MILR1: variants seen among roughly 807,000 people sequenced by gnomAD.
MILR1 encodes allergin-1.
Under a neutral mutation model 18.5 loss-of-function variants are expected in MILR1, and 31 were observed. The observed-to-expected ratio is 1.68, with a 90% confidence interval of 1.26 to 2.26. MILR1 has a LOEUF of 2.26. Ranked by LOEUF, MILR1 falls within the 30% of genes most tolerant of loss-of-function variation. The pLI is 0.00. For synonymous variants in MILR1, 85 were observed against 56.2 expected (o/e 1.51, Z -2.30); for missense variants, 257 against 157.4 (o/e 1.63, Z -3.38).
rs2037135130 is a variant in MILR1, at chr17:64,450,137, A to AC, written c.97+783dup. On this transcript the variant is annotated intron_variant, in intron 2 of 9. Transcript: ENST00000619286. ...GTATTTTTTGTAGAGACGGGGTTTC[A>AC]CATCGTTAGCCAGGATGGTCTCGAT... Among the ~76,000 whole-genome samples the AC allele has an allele frequency of 4.6e-5, 7 of 152,112 alleles. 1 individual carries two copies. The South Asian group carries it at 1.5e-3, about 32-fold the overall frequency.
chr17:64,481,097 A>G, the MILR1 span: 2 of 176,478 alleles, frequency 1.1e-5, no homozygotes, highest in Non-Finnish European at 2.2e-5. Context: ...CAGGGTGTTT[A>G]GCAGCATTCC....
chr17:64,461,457 C>T (rs2037430569), intron 5 of MILR1, among the ~76,000 whole-genome samples: 1 of 152,056 alleles, frequency 6.6e-6, no homozygotes, highest in South Asian at 2.1e-4. Context: ...CCATGTTGGC[C>T]AGGCTGGTCC....
At position 64,449,220 on chromosome 17, in the gene MILR1, A is replaced by G. The variant is rs1402341317; in HGVS notation, c.52A>G (p.Thr18Ala). ...CTTCTGGAGCATATTTTCTTCTGTC[A>G]CTTGTAAGCCCCCCTTATCATTCTG... ...LLFWSIFSSV[T>A]CRKAVLDCEA... Residue 18 changes from threonine to alanine, a missense_variant, in exon 1 of 10, where the codon ACT (threonine) becomes GCT (alanine). Coordinates refer to ENST00000619286, the MANE Select transcript of MILR1 (RefSeq NM_001085423.2). The G allele has an allele frequency of 1.3e-5, 6 of 473,230 alleles. No homozygotes were observed. The highest frequency in any genetic ancestry group is 4.0e-5 in the African/African-American group (2 of 50,472). The allele number at this position is 473,230 out of a possible 1,614,324, so 29.3% of individuals were successfully genotyped here. A position where few individuals can be genotyped will look rare whatever the true frequency, so the allele number is the denominator to read the frequency against.
At chr17:64,495,545 C>G in the MILR1 span, among the ~76,000 whole-genome samples, 2 of 152,218 alleles carry the variant, frequency 1.3e-5, no homozygotes, top group Non-Finnish European at 2.9e-5. Flanking sequence ...CCACTGCACT[C>G]GAGTCTGGGT....
rs376034042 is a variant in MILR1 at position 64,465,431 on chromosome 17, G to T, written c.764-21G>T. 5.9e-6 allele frequency: 9 copies of T among 1,521,402 alleles called. No homozygotes were observed. In the African/African-American group the frequency reaches 1.1e-4, roughly 18 times the overall value. 94.2% of individuals were successfully genotyped at this position (1,521,402 alleles called of 1,614,324 possible). ...TGTGGCTGAATTGGTTTAATTTGAT[G>T]ATTCCTACCTATTTACGTAGGAAAA... On this transcript the variant is annotated intron_variant, in intron 5 of 9. Coordinates refer to ENST00000619286, the MANE Select transcript of MILR1 (RefSeq NM_001085423.2).
In MILR1 at chr17:64,467,637, C is replaced by T. The variant is rs782687895; in HGVS notation, c.*20C>T. The T allele has an allele frequency of 1.9e-6, 3 of 1,545,282 alleles. No individual in the cohort carries two copies. In the South Asian group the frequency reaches 3.5e-5, roughly 18 times the overall value. On this transcript the variant is annotated 3_prime_UTR_variant, in exon 9 of 10. Coordinates refer to ENST00000619286, the MANE Select transcript of MILR1 (RefSeq NM_001085423.2). ...TTCTGAAATTTACAGAAACAAACTA[C>T]ATCTCAGGGTAAGATGCTTTTTATG...
the MILR1 span, among the ~76,000 whole-genome samples, chr17:64,494,663 A>G: frequency 6.6e-6 from 1 of 152,244 alleles, no homozygotes; most frequent in African/African-American, 2.4e-5. Context: ...GTTATGATCC[A>G]TTACCATTAA....
the MILR1 span, chr17:64,480,242 A>C: frequency 1.6e-5 from 12 of 765,718 alleles, no homozygotes; most frequent in East Asian, 3.5e-4. Flanking sequence ...AAACATAATC[A>C]AAAACTCTTG....
the MILR1 span, chr17:64,482,923 C>T: frequency 6.4e-7 from 1 of 1,560,522 alleles, no homozygotes; most frequent in East Asian, 2.2e-5. Flanking sequence ...ACTCACCTGT[C>T]TTAGTTCCAA....
In MILR1 at chr17:64,449,149, C is replaced by T. The variant is rs2037109239; in HGVS notation, c.-20C>T. The T allele has an allele frequency of 2.1e-6, 1 of 467,016 alleles. No homozygotes were observed. Among genetic ancestry groups the T allele is most frequent in the African/African-American group, 2.0e-5 (1 of 50,430 alleles). 28.9% of individuals were successfully genotyped at this position (467,016 alleles called of 1,614,324 possible). A position where few individuals can be genotyped will look rare whatever the true frequency, so the allele number is the denominator to read the frequency against. ...GTTCTACTATGCCTTCTGACCCCGTCTTGGACTTCAACTGGGAGAATGTGG... is the reference window on the plus strand; with the variant it reads ...GTTCTACTATGCCTTCTGACCCCGTTTTGGACTTCAACTGGGAGAATGTGG... On this transcript the variant is annotated 5_prime_UTR_variant, in exon 1 of 10. Transcript: ENST00000619286.
chr17:64,489,608 C>A, the MILR1 span, among the ~76,000 whole-genome samples: 1 of 151,786 alleles, frequency 6.6e-6, no homozygotes, highest in Non-Finnish European at 1.5e-5. Flanking sequence ...AAATATTAAA[C>A]CATCAGTCGG....
chr17:64,450,115 T>C (rs1016613915), intron 2 of MILR1, among the ~76,000 whole-genome samples: 21 of 152,094 alleles, frequency 1.4e-4, no homozygotes, highest in African/African-American at 4.6e-4. Context: ...ATGTTTTGTA[T>C]TTTTTGTAGA....
the MILR1 span, among the ~76,000 whole-genome samples, chr17:64,484,849 C>T: frequency 6.6e-6 from 1 of 152,096 alleles, no homozygotes; most frequent in Admixed American, 6.6e-5. Flanking sequence ...TCATGGTTCC[C>T]AATCCCAGCT....
At chr17:64,481,568 A>C in the MILR1 span, 2 of 277,942 alleles carry the variant, frequency 7.2e-6, no homozygotes, top group East Asian at 1.8e-4. Flanking sequence ...CAGTTACCAA[A>C]AGTGTTAAGT....
chr17:64,465,615 A>C, intron 6 of MILR1, 74 bp downstream of exon 6: 2 of 1,487,190 alleles, frequency 1.3e-6, no homozygotes, highest in Non-Finnish European at 1.8e-6. Flanking sequence ...TTGTACAGAC[A>C]TACGGGAGTG....
At chr17:64,481,291 G>C in the MILR1 span, 1 of 985,330 alleles carries the variant, frequency 1.0e-6, no homozygotes, top group Non-Finnish European at 1.2e-6. Flanking sequence ...CTCCTTCTTT[G>C]AGCTCACTAT....
At chr17:64,480,263 C>T in the MILR1 span, 2 of 1,047,656 alleles carry the variant, frequency 1.9e-6, no homozygotes, top group South Asian at 1.4e-5. Flanking sequence ...AATAAATACA[C>T]TCTTTAATGA....
the MILR1 span, among the ~76,000 whole-genome samples, chr17:64,494,434 G>A: frequency 0.28 from 42,356 of 152,080 alleles, 11,397 homozygotes; most frequent in African/African-American, 0.7. Context: ...ATTTCACCCA[G>A]TATTTTAGAA....
the MILR1 span, among the ~76,000 whole-genome samples, chr17:64,493,892 AT>A: frequency 1.3e-5 from 2 of 152,098 alleles, no homozygotes; most frequent in East Asian, 3.9e-4. Context: ...ATTTTGCCAC[AT>A]TTTTTTCTTG....
Sources: allele counts gnomAD v4.1 joint callset (sites outside exome capture counted in the v4.1 genomes callset), GRCh38; gene constraint gnomAD v4.1.1; transcripts MANE v1.5; gene names NCBI Gene and HGNC (gene_info 2026-07-23, HGNC 2026-07-21).